The following DSCAM variants were observed in gnomAD, a reference collection of about 807,000 sequenced individuals.
DSCAM encodes cell adhesion molecule DSCAM.
Under a neutral mutation model 217.7 loss-of-function variants are expected in DSCAM, and 47 were observed. That is an observed-to-expected ratio of 0.22 (90% confidence interval 0.17 to 0.28). The LOEUF (loss-of-function observed/expected upper bound fraction) is 0.28. Among genes scored for constraint, DSCAM ranks in the 10% least tolerant of loss-of-function variants. The pLI is 1.00. For missense variants in DSCAM, 2,080 were observed against 2,618.3 expected (o/e 0.79, Z 4.49); for synonymous variants, 1,056 against 1,015.3 (o/e 1.04, Z -0.76).
chr21:40,285,998 G>C (rs935144797), intron 10 of DSCAM, among the ~76,000 whole-genome samples: 1 of 152,074 alleles, frequency 6.6e-6, no homozygotes, highest in Admixed American at 6.6e-5. Flanking sequence ...CATGGGTGTG[G>C]AGTCTTGGGG....
chr21:40,621,460 C>G (rs2089515553), intron 3 of DSCAM: 2 of 152,120 alleles, frequency 1.3e-5, no homozygotes, highest in Admixed American at 1.3e-4. Flanking sequence ...AGTGACCTGA[C>G]TGGAGAGGCT....
chr21:40,844,788 A>G (rs909275173), intron 1 of DSCAM, among the ~76,000 whole-genome samples: 3 of 152,190 alleles, frequency 2.0e-5, no homozygotes, highest in African/African-American at 7.2e-5. Flanking sequence ...AAATTCTTCC[A>G]TACCATTTTG....
intron 11 of DSCAM, among the ~76,000 whole-genome samples, chr21:40,191,473 T>TC (rs1041733907): frequency 1.3e-5 from 2 of 151,842 alleles, no homozygotes; most frequent in Admixed American, 6.6e-5. Flanking sequence ...TTGGTTCTGA[T>TC]CCCCCCCTTC....
chr21:40,036,267 A>G (rs1024656389), intron 32 of DSCAM, among the ~76,000 whole-genome samples: 5 of 149,810 alleles, frequency 3.3e-5, no homozygotes, highest in African/African-American at 1.3e-4. Flanking sequence ...ATAGACTGCT[A>G]GCAAGACTAA....
chr21:40,033,846 GCCT>G lies in DSCAM; in HGVS notation c.5686+8522_5686+8524del, dbSNP rs1158508680. 5.4e-5 allele frequency among the ~76,000 whole-genome samples: 8 copies of G among 147,322 alleles called. No homozygotes were observed. In the East Asian group the frequency reaches 1.6e-3, roughly 29 times the overall value. ...GCTGGACATCTGAGAAGGGCAGACT[GCCT>G]CCTCAAGTGGGTCCCTGACCCCGGA... On this transcript the variant is annotated intron_variant, in intron 32 of 32. Coordinates refer to ENST00000400454, the MANE Select transcript of DSCAM (RefSeq NM_001389.5).
In DSCAM at chr21:40,187,868, C is replaced by A. The variant is rs1329679211; in HGVS notation, c.2650+23G>T. The stretch of plus-strand genomic sequence containing the variant: ...CCATCCTGAAATGACTGTGTTTATT[C>A]TCTTACGCTATCGTCTTCCTACCTT... On this transcript the variant is annotated intron_variant, in intron 13 of 32. Coordinates refer to ENST00000400454, the MANE Select transcript of DSCAM (RefSeq NM_001389.5). The A allele has an allele frequency of 2.5e-6, 4 of 1,591,510 alleles. No homozygotes were observed. The Admixed American group carries it at 5.0e-5, about 20-fold the overall frequency.
chr21:40,188,371 G>C (rs1222018617), intron 12 of DSCAM, among the ~76,000 whole-genome samples: 1 of 152,022 alleles, frequency 6.6e-6, no homozygotes, highest in Non-Finnish European at 1.5e-5. Context: ...CATGCCTAAA[G>C]AGACAGATTA....
intron 1 of DSCAM, among the ~76,000 whole-genome samples, chr21:40,793,761 G>A (rs1435182144): frequency 6.6e-6 from 1 of 152,144 alleles, no homozygotes; most frequent in East Asian, 1.9e-4. Flanking sequence ...AAAGTGCTGG[G>A]ATTACAGGCA....
chr21:40,364,058 G>T (rs1405838112), intron 4 of DSCAM, among the ~76,000 whole-genome samples: 1 of 152,148 alleles, frequency 6.6e-6, no homozygotes, highest in Non-Finnish European at 1.5e-5. Context: ...GGAGAAATAG[G>T]AACACTTTTA....
chr21:40,102,900 A>C (rs570369548), intron 20 of DSCAM, among the ~76,000 whole-genome samples: 8 of 152,176 alleles, frequency 5.3e-5, no homozygotes, highest in Non-Finnish European at 8.8e-5. Context: ...TGCTTACTGC[A>C]TCTCCCCAGG....
At chr21:40,486,146 G>C (rs2076026295) in intron 3 of DSCAM, among the ~76,000 whole-genome samples, 1 of 152,076 alleles carries the variant, frequency 6.6e-6, no homozygotes, top group South Asian at 2.1e-4. Context: ...CAACTATAAG[G>C]AGAGACCCCT....
chr21:40,411,895 C>T (rs1377100433), intron 3 of DSCAM, among the ~76,000 whole-genome samples: 1 of 152,178 alleles, frequency 6.6e-6, no homozygotes, highest in Non-Finnish European at 1.5e-5. Context: ...ACCCAAATCT[C>T]ATCTTGTAGC....
intron 14 of DSCAM, among the ~76,000 whole-genome samples, chr21:40,185,801 A>G (rs868127214): frequency 3.3e-5 from 5 of 152,146 alleles, no homozygotes; most frequent in African/African-American, 9.7e-5. Flanking sequence ...AGTCCCCAAA[A>G]GATGCTTGTT....
chr21:40,386,680 C>A (rs1013458126), intron 3 of DSCAM, among the ~76,000 whole-genome samples: 1 of 152,222 alleles, frequency 6.6e-6, no homozygotes, highest in Non-Finnish European at 1.5e-5. Flanking sequence ...TAAGCACTTC[C>A]TATGTTTACA....
At chr21:40,182,608 TGGACAGAACGGGC>T (rs1444604878) in intron 14 of DSCAM, among the ~76,000 whole-genome samples, 6 of 111,868 alleles carry the variant, frequency 5.4e-5, no homozygotes, top group African/African-American at 1.2e-4. Context: ...AGAGAAACCG[TGGACAGAACGGGC>T]CACCAGAGAA....
chr21:40,720,053 C>G (rs767522327), intron 1 of DSCAM, among the ~76,000 whole-genome samples: 1 of 152,178 alleles, frequency 6.6e-6, no homozygotes, highest in Non-Finnish European at 1.5e-5. Context: ...AGACGTTAAC[C>G]AACAGTTTTC....
At chr21:40,618,160 G>A (rs1212539055) in intron 3 of DSCAM, among the ~76,000 whole-genome samples, 1 of 150,856 alleles carries the variant, frequency 6.6e-6, no homozygotes, top group Non-Finnish European at 1.5e-5. Context: ...TCTCTGATAA[G>A]AAGAAAATTG....
intron 11 of DSCAM, among the ~76,000 whole-genome samples, chr21:40,205,431 C>A (rs1477247412): frequency 6.6e-6 from 1 of 151,998 alleles, no homozygotes; most frequent in Non-Finnish European, 1.5e-5. Flanking sequence ...GGCAAAACCC[C>A]ATCTCTACTA....
chr21:40,118,460 G>A (rs2089997319), intron 20 of DSCAM, among the ~76,000 whole-genome samples: 1 of 152,162 alleles, frequency 6.6e-6, no homozygotes, highest in East Asian at 1.9e-4. Context: ...GGTGGCGGGT[G>A]CCTGTAATCC....
Sources: allele counts gnomAD v4.1 joint callset (sites outside exome capture counted in the v4.1 genomes callset), GRCh38; gene constraint gnomAD v4.1.1; transcripts MANE v1.5; gene names NCBI Gene and HGNC (gene_info 2026-07-23, HGNC 2026-07-21).